Variants in CHST11 observed in about 807,000 individuals in gnomAD.
CHST11 encodes C4S-1.
CHST11 carries 9 observed loss-of-function variants against 30.4 expected under a neutral mutation model. The observed-to-expected ratio is 0.30, with a 90% CI of 0.18 to 0.52. The LOEUF is 0.52. Ranked by LOEUF, CHST11 falls within the 20% of genes least tolerant of loss-of-function variation. CHST11 has a pLI of 0.97. For missense variants in CHST11, 348 were observed against 460.6 expected (o/e 0.76, Z 2.24); for synonymous variants, 152 against 187.8 (o/e 0.81, Z 1.56).
intron 2 of CHST11, among the ~76,000 whole-genome samples, chr12:104,741,792 A>G (rs1265272521): frequency 6.6e-6 from 1 of 152,236 alleles, no homozygotes; most frequent in African/African-American, 2.4e-5. Context: ...AGTGAAACAG[A>G]GACCACCAGC....
chr12:104,725,814 A>G (rs1202027307), intron 2 of CHST11, among the ~76,000 whole-genome samples: 1 of 152,100 alleles, frequency 6.6e-6, no homozygotes, highest in Non-Finnish European at 1.5e-5. Flanking sequence ...CAACCCACAC[A>G]GGACGGATGG....
chr12:104,544,138 A>AAAGAAAGAAAG (rs538963282), intron 1 of CHST11, among the ~76,000 whole-genome samples: 225 of 71,628 alleles, frequency 3.1e-3, no homozygotes, highest in Middle Eastern at 0.011. Context: ...AAAAAAAAAA[A>AAAGAAAGAAAG]AAAGAAAGAA....
intron 1 of CHST11, among the ~76,000 whole-genome samples, chr12:104,525,582 A>G (rs1268934020): frequency 2.0e-5 from 3 of 152,222 alleles, no homozygotes; most frequent in Non-Finnish European, 4.4e-5. Flanking sequence ...CCTCTTTATA[A>G]AATGGGAATA....
intron 1 of CHST11, among the ~76,000 whole-genome samples, chr12:104,590,013 T>TTAAA (rs111573363): frequency 2.5e-4 from 38 of 151,250 alleles, no homozygotes; most frequent in East Asian, 1.2e-3. Flanking sequence ...TGTCTCAAAA[T>TTAAA]TAAATAAATA....
chr12:104,559,385 A>G (rs2038490918), intron 1 of CHST11, among the ~76,000 whole-genome samples: 1 of 152,262 alleles, frequency 6.6e-6, no homozygotes, highest in African/African-American at 2.4e-5. Context: ...AGGAGATGGC[A>G]TTAAAGTAAA....
rs148560262 is a variant in CHST11 at position 104,538,332 on chromosome 12, A to G, written c.119-63574A>G. Among the ~76,000 whole-genome samples, 358 of 152,300 alleles carry G rather than the reference A, an allele frequency of 2.4e-3. 11 individuals carry two copies. In the East Asian group the frequency reaches 0.058, roughly 25 times the overall value. Reference sequence around the variant, plus strand: ...GTTTGGGAATTTCAGGAGAAAGATCAGAGAGGTAAGGATCTGTTCTCATCT... The same window carrying G: ...GTTTGGGAATTTCAGGAGAAAGATCGGAGAGGTAAGGATCTGTTCTCATCT... On this transcript the variant is annotated intron_variant, in intron 1 of 2. Transcript: ENST00000303694.
At chr12:104,548,143 T>C (rs1365533938) in intron 1 of CHST11, among the ~76,000 whole-genome samples, 1 of 152,220 alleles carries the variant, frequency 6.6e-6, no homozygotes, top group Non-Finnish European at 1.5e-5. Context: ...GGCAGAGCCA[T>C]GTCTTATTCA....
chr12:104,533,084 T>C (rs1337246505), intron 1 of CHST11, among the ~76,000 whole-genome samples: 1 of 152,164 alleles, frequency 6.6e-6, no homozygotes. Flanking sequence ...CTTCCAAATC[T>C]CTTTTCTTGA....
chr12:104,752,492 G>T (rs575720792), intron 2 of CHST11, among the ~76,000 whole-genome samples: 9 of 147,542 alleles, frequency 6.1e-5, no homozygotes, highest in Non-Finnish European at 8.9e-5. Context: ...CAAACAATTG[G>T]GAAATTTATT....
intron 2 of CHST11, among the ~76,000 whole-genome samples, chr12:104,746,052 T>C (rs1401186396): frequency 6.6e-6 from 1 of 152,218 alleles, no homozygotes; most frequent in Non-Finnish European, 1.5e-5. Context: ...TTTTGCCCGT[T>C]TAGTATGATG....
chr12:104,651,683 C>A (rs752598698), intron 2 of CHST11, among the ~76,000 whole-genome samples: 8 of 152,176 alleles, frequency 5.3e-5, no homozygotes, highest in Non-Finnish European at 1.2e-4. Context: ...TCTAAGGAAA[C>A]AAAACCAGGG....
At chr12:104,645,902 A>T (rs939386806) in intron 2 of CHST11, among the ~76,000 whole-genome samples, 1 of 152,028 alleles carries the variant, frequency 6.6e-6, no homozygotes, top group African/African-American at 2.4e-5. Context: ...TTCCACCCTC[A>T]CCAGCTCTGC....
At chr12:104,745,328 C>T (rs1404467401) in intron 2 of CHST11, among the ~76,000 whole-genome samples, 1 of 152,060 alleles carries the variant, frequency 6.6e-6, no homozygotes, top group African/African-American at 2.4e-5. Flanking sequence ...AGTACCATGC[C>T]GTTTCGGTTA....
At chr12:104,546,655 C>A (rs956362368) in intron 1 of CHST11, among the ~76,000 whole-genome samples, 1 of 152,050 alleles carries the variant, frequency 6.6e-6, no homozygotes, top group African/African-American at 2.4e-5. Context: ...CAGCACCTGG[C>A]GATTTTTTTT....
chr12:104,526,637 T>A, intron 1 of CHST11, among the ~76,000 whole-genome samples: 1 of 152,216 alleles, frequency 6.6e-6, no homozygotes, highest in East Asian at 1.9e-4. Context: ...TCTTCCACTC[T>A]GAAGAGTTGA....
At chr12:104,499,963 G>A (rs1233797433) in intron 1 of CHST11, among the ~76,000 whole-genome samples, 3 of 152,220 alleles carry the variant, frequency 2.0e-5, no homozygotes, top group Non-Finnish European at 2.9e-5. Context: ...GATTCATACA[G>A]CTTTGCAGTG....
intron 1 of CHST11, chr12:104,553,097 G>A (rs933247593): frequency 1.3e-5 from 2 of 152,180 alleles, no homozygotes; most frequent in African/African-American, 4.8e-5. Flanking sequence ...ATTAAAATGA[G>A]GTGAAGTAAC....
intron 1 of CHST11, among the ~76,000 whole-genome samples, chr12:104,587,403 G>T (rs987176738): frequency 6.6e-6 from 1 of 152,064 alleles, no homozygotes; most frequent in African/African-American, 2.4e-5. Context: ...TTATTCATTT[G>T]TTTATTTATT....
intron 1 of CHST11, among the ~76,000 whole-genome samples, chr12:104,571,523 T>C (rs2038625914): frequency 6.6e-6 from 1 of 152,224 alleles, no homozygotes; most frequent in Admixed American, 6.5e-5. Context: ...TTGTCAGTGC[T>C]TGTAGACACA....
Sources: allele counts gnomAD v4.1 joint callset (sites outside exome capture counted in the v4.1 genomes callset), GRCh38; gene constraint gnomAD v4.1.1; transcripts MANE v1.5; gene names NCBI Gene and HGNC (gene_info 2026-07-23, HGNC 2026-07-21).